NTN4: variants seen among roughly 807,000 people sequenced by gnomAD.
NTN4 encodes the protein netrin-4.
In NTN4, 32 loss-of-function variants were observed where a neutral mutation model predicts 73.6. The observed-to-expected ratio is 0.44, with a 90% confidence interval of 0.33 to 0.58. The LOEUF (loss-of-function observed/expected upper bound fraction) is 0.58, where lower values mean the gene tolerates loss of function less well. Ranked by LOEUF, NTN4 falls within the 20% of genes least tolerant of loss-of-function variation. The pLI, the probability that NTN4 is intolerant of heterozygous loss-of-function variation, is 0.04. For synonymous variants in NTN4, 258 were observed against 287.5 expected (o/e 0.90, Z 1.04); for missense variants, 654 against 798.3 (o/e 0.82, Z 2.18).
intron 8 of NTN4, among the ~76,000 whole-genome samples, chr12:95,669,004 G>C (rs1592652277): frequency 6.6e-6 from 1 of 152,114 alleles, no homozygotes; most frequent in East Asian, 1.9e-4. Context: ...CATGCCTGTA[G>C]TCCCAGCTAC....
chr12:95,721,989 G>A (rs1419598759), intron 3 of NTN4, among the ~76,000 whole-genome samples: 1 of 151,702 alleles, frequency 6.6e-6, no homozygotes, highest in African/African-American at 2.4e-5. Flanking sequence ...TACATTGACT[G>A]GCCACATCTG....
intron 7 of NTN4, among the ~76,000 whole-genome samples, chr12:95,680,723 C>G (rs1421721460): frequency 6.6e-6 from 1 of 152,136 alleles, no homozygotes; most frequent in Non-Finnish European, 1.5e-5. Flanking sequence ...ATTTACATTT[C>G]AGAGATGGGC....
intron 4 of NTN4, 67 bp from the exon 5 acceptor site, chr12:95,710,696 C>T: frequency 6.8e-7 from 1 of 1,472,490 alleles, no homozygotes; most frequent in Non-Finnish European, 9.3e-7. Context: ...ATCTCATATT[C>T]AGATAGGTAA....
chr12:95,733,208 A>G (rs989844888), intron 3 of NTN4, among the ~76,000 whole-genome samples: 1 of 152,272 alleles, frequency 6.6e-6, no homozygotes, highest in African/African-American at 2.4e-5. Context: ...CAGCTGTAAA[A>G]TCACCAGCTG....
intron 3 of NTN4, among the ~76,000 whole-genome samples, chr12:95,719,728 G>T (rs1466938704): frequency 6.6e-6 from 1 of 152,092 alleles, no homozygotes; most frequent in Non-Finnish European, 1.5e-5. Flanking sequence ...TCCCATTAAA[G>T]GTTTGCATGT....
At chr12:95,767,663 C>A (rs1007994403) in intron 2 of NTN4, among the ~76,000 whole-genome samples, 19 of 152,096 alleles carry the variant, frequency 1.2e-4, no homozygotes, top group Non-Finnish European at 5.9e-5. Flanking sequence ...GACAAAGAGC[C>A]CAGCTGGGAG....
chr12:95,741,711 GAAC>G (rs889484755), intron 2 of NTN4, among the ~76,000 whole-genome samples: 20 of 149,320 alleles, frequency 1.3e-4, no homozygotes, highest in South Asian at 8.4e-4. Context: ...TAATAAAATA[GAAC>G]AACGAAAAAT....
intron 2 of NTN4, among the ~76,000 whole-genome samples, chr12:95,785,544 G>C (rs1435136854): frequency 6.6e-6 from 1 of 152,198 alleles, no homozygotes; most frequent in Non-Finnish European, 1.5e-5. Context: ...CACTATTCTT[G>C]CTGGTCTCTT....
intron 2 of NTN4, among the ~76,000 whole-genome samples, chr12:95,741,949 T>C (rs2121190069): frequency 6.6e-6 from 1 of 152,240 alleles, no homozygotes; most frequent in Admixed American, 6.5e-5. Flanking sequence ...TTAAAAAATA[T>C]CTGACCCTCT....
rs543123900 is a variant in NTN4, at chr12:95,733,231, G to A, written c.864+4635C>T. ...AAATCACCAGCTGCTAGGAAAAAGA[G>A]AACTAAATTAGTCCTCTACAGCTGC... On this transcript the variant is annotated intron_variant, in intron 3 of 9. Transcript: ENST00000343702. 3.3e-5 allele frequency among the ~76,000 whole-genome samples: 5 copies of A among 152,286 alleles called. No homozygotes were observed. In the East Asian group the frequency reaches 9.6e-4, roughly 29 times the overall value.
chr12:95,680,094 C>T (rs2078304527), intron 7 of NTN4, among the ~76,000 whole-genome samples: 1 of 152,112 alleles, frequency 6.6e-6, no homozygotes, highest in Non-Finnish European at 1.5e-5. Flanking sequence ...TTCCCTGTCC[C>T]TGCATTATTT....
intron 2 of NTN4, among the ~76,000 whole-genome samples, chr12:95,758,809 G>T (rs1420031474): frequency 6.6e-6 from 1 of 152,064 alleles, no homozygotes; most frequent in Non-Finnish European, 1.5e-5. Flanking sequence ...AAGTGATCTG[G>T]TCTCCCAAAG....
upstream of NTN4, chr12:95,791,070 C>T (rs2079207584): frequency 6.5e-6 from 1 of 152,896 alleles, no homozygotes; most frequent in Non-Finnish European, 1.5e-5. The surrounding 1 kb of genome is among the most constrained non-coding windows in gnomAD (Gnocchi z 4.0). Flanking sequence ...CCCCTGGTGC[C>T]CTGCAGCACC....
At chr12:95,712,056 C>T (rs10507059) in intron 4 of NTN4, among the ~76,000 whole-genome samples, 28,368 of 152,162 alleles carry the variant, frequency 0.19, 2,800 homozygotes, top group Non-Finnish European at 0.23. Flanking sequence ...CTCCAAATTA[C>T]GTATGGGAAG....
intron 2 of NTN4, among the ~76,000 whole-genome samples, chr12:95,768,776 A>G (rs905686063): frequency 1.3e-5 from 2 of 152,224 alleles, no homozygotes; most frequent in Admixed American, 1.3e-4. Context: ...CAGAAGAAAA[A>G]TAAGAGTGGT....
chr12:95,672,150 G>C (rs1191199907), intron 7 of NTN4: 2 of 437,106 alleles, frequency 4.6e-6, no homozygotes, highest in African/African-American at 4.1e-5. Context: ...GTAAGACATT[G>C]TCTCTACAAA....
At chr12:95,672,962 T>C in intron 7 of NTN4, 1 of 1,134,536 alleles carries the variant, frequency 8.8e-7, no homozygotes, top group Non-Finnish European at 1.3e-6. Flanking sequence ...GTCTGTAAAT[T>C]GGACAAGAGC....
At chr12:95,713,094 G>T in intron 4 of NTN4, 118 bp downstream of exon 4, 2 of 1,223,420 alleles carry the variant, frequency 1.6e-6, no homozygotes, top group Non-Finnish European at 2.3e-6. Flanking sequence ...CTATGTTTGT[G>T]TAGGGTCTAG....
chr12:95,736,804 A>G (rs183077595), intron 3 of NTN4, among the ~76,000 whole-genome samples: 9 of 152,282 alleles, frequency 5.9e-5, no homozygotes, highest in Admixed American at 5.2e-4. Context: ...TAGTCATTTT[A>G]GTTACCCTGA....
Sources: allele counts gnomAD v4.1 joint callset (sites outside exome capture counted in the v4.1 genomes callset), GRCh38; gene constraint gnomAD v4.1.1; non-coding constraint Gnocchi (gnomAD v3.1); transcripts MANE v1.5; gene names NCBI Gene and HGNC (gene_info 2026-07-23, HGNC 2026-07-21).